The following NCALD variants were observed in gnomAD, a reference collection of about 807,000 sequenced individuals.
NCALD encodes neurocalcin delta, also known as neurocalcin-delta.
A neutral mutation model predicts 18.6 loss-of-function variants in NCALD; 10 were observed. The observed-to-expected ratio is 0.54, with a 90% CI of 0.33 to 0.91. NCALD has a LOEUF of 0.91. NCALD is among the 40% of genes least tolerant of loss of function. NCALD has a pLI of 0.03. For missense variants in NCALD, 184 were observed against 247.6 expected, an observed-to-expected ratio of 0.74 and a Z score of 1.72; for synonymous variants, 88 against 87.4, an observed-to-expected ratio of 1.01 and a Z score of -0.04.
chr8:101,757,102 C>G lies in NCALD; in HGVS notation c.-20+33760G>C, dbSNP rs569393813. Among the ~76,000 whole-genome samples, 28 of 152,278 alleles carry G rather than the reference C, an allele frequency of 1.8e-4. No individual in the cohort carries two copies. In the East Asian group the frequency reaches 5.4e-3, roughly 29 times the overall value. On this transcript the variant is annotated intron_variant, in intron 1 of 3. Coordinates refer to ENST00000220931, the MANE Select transcript of NCALD (RefSeq NM_032041.3). ...CCTTTTTTCTTCCTCTTGCTTCCTC[C>G]TGAGTTCCATGTCAATATTTACACA... is the stretch of plus-strand genomic sequence containing the variant.
chr8:101,808,292 C>T (rs73698845), intron 4 of NCALD, among the ~76,000 whole-genome samples: 2,401 of 152,202 alleles, frequency 0.016, 53 homozygotes, highest in African/African-American at 0.055. Context: ...TCAGGTCTTA[C>T]AATTGTGGAA....
intron 2 of NCALD, among the ~76,000 whole-genome samples, chr8:101,715,863 G>C (rs757819988): frequency 2.0e-4 from 31 of 152,342 alleles, no homozygotes; most frequent in Non-Finnish European, 2.5e-4. Flanking sequence ...CTTTTACACT[G>C]TTGGTGGGAA....
chr8:101,750,552 A>G (rs1269144156), intron 1 of NCALD: 1 of 152,252 alleles, frequency 6.6e-6, no homozygotes, highest in Non-Finnish European at 1.5e-5. Flanking sequence ...CAACCACTAC[A>G]TGGAATAAAA....
chr8:102,089,720 A>T (rs915698448), intron 1 of NCALD, among the ~76,000 whole-genome samples: 9 of 152,186 alleles, frequency 5.9e-5, no homozygotes, highest in Non-Finnish European at 1.2e-4. Context: ...GGCCTAAACT[A>T]AAGGATTAAA....
chr8:102,124,866 A>C (rs1477277629), upstream of NCALD: 3 of 152,124 alleles, frequency 2.0e-5, no homozygotes, highest in Non-Finnish European at 2.9e-5. Context: ...GTCTAGGAAA[A>C]GCTTAACAAA....
chr8:101,891,925 G>C (rs934851898), intron 3 of NCALD, among the ~76,000 whole-genome samples: 5 of 152,168 alleles, frequency 3.3e-5, no homozygotes, highest in East Asian at 1.9e-4. Context: ...AGGCGGCAGC[G>C]AGGCTGGGGG....
intron 2 of NCALD, among the ~76,000 whole-genome samples, chr8:101,917,645 A>G (rs1234283387): frequency 6.6e-6 from 1 of 152,152 alleles, no homozygotes; most frequent in East Asian, 1.9e-4. Flanking sequence ...AGGTGATATT[A>G]CAATGAATCC....
rs376826733 is a variant in NCALD at position 101,892,832 on chromosome 8, A to G, written c.-106-5605T>C. Among the ~76,000 whole-genome samples the G allele has an allele frequency of 7.8e-4, 112 of 144,050 alleles. 2 individuals are homozygous for G. The highest frequency in any genetic ancestry group is 2.2e-3 in the African/African-American group (79 of 35,420). 94.5% of individuals were successfully genotyped at this position (144,050 alleles called of 152,430 possible). The stretch of plus-strand genomic sequence containing the variant: ...TAGAGAAAAAAGAATACAAAGAAAT[A>G]AGCAAAGCCTCCAAGAAATATGGGA... On this transcript the variant is annotated intron_variant, in intron 3 of 6. Coordinates refer to the NCALD transcript ENST00000311028.
At chr8:102,085,978 G>A (rs1824724078) in intron 1 of NCALD, among the ~76,000 whole-genome samples, 1 of 152,068 alleles carries the variant, frequency 6.6e-6, no homozygotes, top group African/African-American at 2.4e-5. Context: ...ATGAATTTAT[G>A]CTGCTTAATC....
chr8:101,755,195 G>A (rs148240020), intron 1 of NCALD, among the ~76,000 whole-genome samples: 3 of 152,290 alleles, frequency 2.0e-5, no homozygotes, highest in African/African-American at 7.2e-5. Context: ...CACAGTTAAA[G>A]TCTTGATTTT....
intron 4 of NCALD, among the ~76,000 whole-genome samples, chr8:101,828,442 C>A (rs540215796): frequency 9.2e-5 from 14 of 152,234 alleles, no homozygotes; most frequent in Admixed American, 7.8e-4. Flanking sequence ...AACCCTTAAC[C>A]CCCGAATCTG....
chr8:101,715,003 C>CAAAAAAAAAAAAAAAAAAAAAA (rs1297532566), intron 2 of NCALD, among the ~76,000 whole-genome samples: 3 of 103,218 alleles, frequency 2.9e-5, no homozygotes, highest in Admixed American at 1.9e-4. Flanking sequence ...GACTCCGTCT[C>CAAAAAAAAAAAAAAAAAAAAAA]AAAAAAAAAA....
intron 1 of NCALD, among the ~76,000 whole-genome samples, chr8:101,766,721 C>G (rs1389869357): frequency 1.3e-5 from 2 of 152,062 alleles, no homozygotes; most frequent in Non-Finnish European, 2.9e-5. Flanking sequence ...GGATTACAGG[C>G]GCATGCCACC....
chr8:101,778,207 T>C (rs903855059), intron 1 of NCALD, among the ~76,000 whole-genome samples: 4 of 152,216 alleles, frequency 2.6e-5, no homozygotes, highest in Admixed American at 6.5e-5. Context: ...ACTGCCAGCC[T>C]TTCCATTCAG....
At chr8:101,852,089 C>G (rs1411173919) in intron 4 of NCALD, among the ~76,000 whole-genome samples, 1 of 152,146 alleles carries the variant, frequency 6.6e-6, no homozygotes, top group African/African-American at 2.4e-5. Context: ...AACTGAACTT[C>G]CCAGCCTCCA....
rs984891020 is a variant in NCALD, at chr8:101,910,345, T to C, written c.-107+5464A>G. 9.4e-5 allele frequency among the ~76,000 whole-genome samples: 13 copies of C among 138,868 alleles called. 1 individual carries two copies. The highest frequency in any genetic ancestry group is 3.9e-4 in the African/African-American group (13 of 33,476). 91.1% of individuals were successfully genotyped at this position (138,868 alleles called of 152,430 possible). A position where few individuals can be genotyped will look rare whatever the true frequency, so the allele number is the denominator to read the frequency against. On this transcript the variant is annotated intron_variant, in intron 3 of 6. Transcript: ENST00000311028. The stretch of plus-strand genomic sequence containing the variant: ...ACATGAGAGGAGGAGGTATGAGGGA[T>C]GGTGGCAGGTGGGCATTGAGTGCTG...
chr8:102,106,445 G>GTATATATATATATA (rs369201039), intron 1 of NCALD, among the ~76,000 whole-genome samples: 3,493 of 131,052 alleles, frequency 0.027, 44 homozygotes, highest in Middle Eastern at 0.041. Flanking sequence ...TTAGCATATA[G>GTATATATATATATA]TATATATATA....
At chr8:102,121,182 G>T (rs977714934) in intron 1 of NCALD, among the ~76,000 whole-genome samples, 3 of 152,130 alleles carry the variant, frequency 2.0e-5, no homozygotes, top group African/African-American at 7.2e-5. Flanking sequence ...TTTTAGACAT[G>T]GTCCCTATCA....
intron 1 of NCALD, among the ~76,000 whole-genome samples, chr8:101,743,131 C>A (rs1272830309): frequency 1.3e-5 from 2 of 152,108 alleles, no homozygotes; most frequent in Non-Finnish European, 2.9e-5. Flanking sequence ...GAATGAATAT[C>A]ATTCCTAGAA....
Sources: gnomAD v4.1 joint callset for allele counts (sites outside exome capture counted in the v4.1 genomes callset) on GRCh38, gnomAD v4.1.1 for gene constraint, MANE v1.5 for transcripts, NCBI Gene and HGNC (gene_info 2026-07-23, HGNC 2026-07-21) for gene names.